PTPRD: variants seen among roughly 807,000 people sequenced by gnomAD.
PTPRD encodes the protein receptor-type tyrosine-protein phosphatase delta.
PTPRD carries 34 observed loss-of-function variants against 214.5 expected under a neutral mutation model. That is an observed-to-expected ratio of 0.16 (90% CI 0.12 to 0.21). The LOEUF (loss-of-function observed/expected upper bound fraction) is 0.21, where lower values mean the gene tolerates loss of function less well. Ranked by LOEUF, PTPRD falls within the 10% of genes least tolerant of loss-of-function variation. PTPRD has a pLI of 1.00. For missense variants in PTPRD, 2,545 were observed against 2,398.7 expected, an observed-to-expected ratio of 1.06 and a Z score of -1.27; for synonymous variants, 1,128 against 845.7, an observed-to-expected ratio of 1.33 and a Z score of -5.79.
chr9:8,346,315 G>T (rs978286105), intron 39 of PTPRD, among the ~76,000 whole-genome samples: 3 of 152,006 alleles, frequency 2.0e-5, no homozygotes, highest in Non-Finnish European at 4.4e-5. Flanking sequence ...TAAAAATAAA[G>T]GTAATATATA....
chr9:9,456,595 G>T (rs1241935612), intron 8 of PTPRD, among the ~76,000 whole-genome samples: 2 of 151,734 alleles, frequency 1.3e-5, no homozygotes, highest in Non-Finnish European at 2.9e-5. Context: ...GTCACTATTA[G>T]CCTCTAACTA....
intron 9 of PTPRD, among the ~76,000 whole-genome samples, chr9:9,369,151 T>C (rs200730354): frequency 6.6e-6 from 1 of 152,022 alleles, no homozygotes; most frequent in East Asian, 1.9e-4. Flanking sequence ...TTTCTTAATC[T>C]AGTCTATCAT....
chr9:9,664,834 T>C (rs2096686182), intron 7 of PTPRD, among the ~76,000 whole-genome samples: 1 of 151,688 alleles, frequency 6.6e-6, no homozygotes, highest in Non-Finnish European at 1.5e-5. Flanking sequence ...CCAGAAAGCT[T>C]TTCTGGAAGC....
rs1002284021 is a variant in PTPRD at position 8,460,449 on chromosome 9, A to C, written c.3837T>G (p.Phe1279Leu). 2 of 1,613,330 alleles carry C rather than the reference A, an allele frequency of 1.2e-6. No homozygotes were observed. Among genetic ancestry groups the C allele is most frequent in the Non-Finnish European group, 1.7e-6 (2 of 1,179,582 alleles). ...WVVGPVLAVVFIICIVIAILL... is the reference protein window; with the variant it reads ...WVVGPVLAVVLIICIVIAILL... ...GAATAGCAATGACAATGCAGATGATAAAGACCACTGCAAGGACAGGACCTA... is the reference window on the plus strand; with the variant it reads ...GAATAGCAATGACAATGCAGATGATCAAGACCACTGCAAGGACAGGACCTA... Residue 1279 changes from phenylalanine to leucine, a missense_variant, in exon 33 of 46, where the codon TTT becomes TTG. Physicochemically the swap from Phe to Leu is conservative, Grantham distance 22. Coordinates refer to ENST00000381196, the MANE Select transcript of PTPRD (RefSeq NM_002839.4).
chr9:10,362,291 G>A (rs571551035), intron 2 of PTPRD, among the ~76,000 whole-genome samples: 98 of 151,102 alleles, frequency 6.5e-4, no homozygotes, highest in Admixed American at 8.6e-4. Context: ...TGAACTTTGT[G>A]TATTTCGGCC....
At chr9:8,809,218 T>G (rs945627221) in intron 11 of PTPRD, among the ~76,000 whole-genome samples, 1 of 152,178 alleles carries the variant, frequency 6.6e-6, no homozygotes, top group Admixed American at 6.5e-5. Context: ...CATAATGTTT[T>G]GTAATATCTG....
At chr9:8,918,195 C>T (rs994457830) in intron 11 of PTPRD, among the ~76,000 whole-genome samples, 2 of 152,156 alleles carry the variant, frequency 1.3e-5, no homozygotes, top group Admixed American at 1.3e-4. Context: ...TAAGTGGCCA[C>T]CTGGGCAATG....
At chr9:8,583,087 C>T (rs1267999514) in intron 14 of PTPRD, among the ~76,000 whole-genome samples, 2 of 152,214 alleles carry the variant, frequency 1.3e-5, no homozygotes, top group Non-Finnish European at 2.9e-5. Flanking sequence ...AACTGTTCCA[C>T]CTCAGATCAT....
At chr9:9,021,632 G>C (rs1262268126) in intron 10 of PTPRD, among the ~76,000 whole-genome samples, 1 of 152,096 alleles carries the variant, frequency 6.6e-6, no homozygotes, top group African/African-American at 2.4e-5. Context: ...AGCTTCATTT[G>C]TGTTATTGCC....
At chr9:8,916,236 C>T (rs969125653) in intron 11 of PTPRD, among the ~76,000 whole-genome samples, 1 of 152,042 alleles carries the variant, frequency 6.6e-6, no homozygotes, top group Non-Finnish European at 1.5e-5. Context: ...GCCATCAGCA[C>T]AGGTAGAGAG....
chr9:10,246,655 A>G (rs1188802453), intron 3 of PTPRD, among the ~76,000 whole-genome samples: 1 of 152,176 alleles, frequency 6.6e-6, no homozygotes. Flanking sequence ...GAAGAAAGAA[A>G]AGGAAACCTA....
At chr9:9,182,921 A>G (rs986402463) in intron 10 of PTPRD, among the ~76,000 whole-genome samples, 1 of 151,976 alleles carries the variant, frequency 6.6e-6, no homozygotes, top group Non-Finnish European at 1.5e-5. Flanking sequence ...CGAGACCACC[A>G]CCGAGGGCTA....
At chr9:9,300,589 G>A (rs1429652883) in intron 9 of PTPRD, among the ~76,000 whole-genome samples, 1 of 151,734 alleles carries the variant, frequency 6.6e-6, no homozygotes, top group Non-Finnish European at 1.5e-5. Context: ...TGAAGGTGGA[G>A]CCCTAATGAA....
chr9:9,866,311 A>C (rs977201631), intron 5 of PTPRD, among the ~76,000 whole-genome samples: 17 of 152,300 alleles, frequency 1.1e-4, no homozygotes, highest in African/African-American at 3.6e-4. Context: ...GTATTTCATA[A>C]CACTTATTAC....
At chr9:9,438,556 A>C (rs1232973283) in intron 8 of PTPRD, among the ~76,000 whole-genome samples, 2 of 152,164 alleles carry the variant, frequency 1.3e-5, no homozygotes, top group Admixed American at 1.3e-4. Flanking sequence ...CAAATTGTAT[A>C]AATCAGTTAG....
At chr9:9,365,829 T>C (rs1339467853) in intron 9 of PTPRD, among the ~76,000 whole-genome samples, 2 of 151,462 alleles carry the variant, frequency 1.3e-5, no homozygotes, top group Non-Finnish European at 3.0e-5. Context: ...CTATAACCCT[T>C]AGAATATCTA....
chr9:9,324,957 C>T (rs1378397646), intron 9 of PTPRD, among the ~76,000 whole-genome samples: 1 of 152,080 alleles, frequency 6.6e-6, no homozygotes, highest in East Asian at 1.9e-4. Context: ...GAATCCTTTC[C>T]CCATTTCTTG....
intron 10 of PTPRD, among the ~76,000 whole-genome samples, chr9:9,132,293 G>A (rs1018280936): frequency 2.0e-5 from 3 of 152,162 alleles, no homozygotes; most frequent in African/African-American, 4.8e-5. Flanking sequence ...ACAGGCGTGA[G>A]CCACCATGCC....
chr9:10,338,073 C>T (rs1345097746), intron 3 of PTPRD, among the ~76,000 whole-genome samples: 1 of 151,492 alleles, frequency 6.6e-6, no homozygotes, highest in Admixed American at 6.6e-5. Flanking sequence ...ATCATATGAG[C>T]TTCATTCTAT....
Sources: allele counts gnomAD v4.1 joint callset (sites outside exome capture counted in the v4.1 genomes callset), GRCh38; gene constraint gnomAD v4.1.1; transcripts MANE v1.5; gene names NCBI Gene and HGNC (gene_info 2026-07-23, HGNC 2026-07-21).